The following GALNT17 variants were observed in gnomAD, a reference collection of about 807,000 sequenced individuals.
GALNT17 encodes polypeptide N-acetylgalactosaminyltransferase 17, also known as UDP-GalNAc:polypeptide N-acetylgalactosaminyltransferase-like 3.
In GALNT17, 29 loss-of-function variants were observed where a neutral mutation model predicts 63.7. That is an observed-to-expected ratio of 0.46 (90% CI 0.34 to 0.62). GALNT17 has a LOEUF of 0.62. GALNT17 is among the 20% of genes least tolerant of loss of function. The pLI, the probability that GALNT17 is intolerant of heterozygous loss-of-function variation, is 0.01. For missense variants in GALNT17, 603 were observed against 799.6 expected, an observed-to-expected ratio of 0.75 and a Z score of 2.97; for synonymous variants, 305 against 318.3, an observed-to-expected ratio of 0.96 and a Z score of 0.45.
At chr7:71,225,545 G>A (rs775559200) in intron 1 of GALNT17, among the ~76,000 whole-genome samples, 14 of 152,200 alleles carry the variant, frequency 9.2e-5, no homozygotes, top group Non-Finnish European at 1.6e-4. Context: ...TGAATAAATT[G>A]AGCTGCATGT....
At chr7:71,573,854 G>A (rs1789491887) in intron 6 of GALNT17, among the ~76,000 whole-genome samples, 1 of 152,108 alleles carries the variant, frequency 6.6e-6, no homozygotes, top group Non-Finnish European at 1.5e-5. Context: ...GTAGGCCCCA[G>A]TGTCTGTGGT....
intron 1 of GALNT17, among the ~76,000 whole-genome samples, chr7:71,159,042 T>C (rs1788291172): frequency 6.6e-6 from 1 of 151,846 alleles, no homozygotes; most frequent in African/African-American, 2.4e-5. Flanking sequence ...ATTGATCTCA[T>C]GCTTTTACAA....
chr7:71,285,495 T>G (rs1790856953), intron 1 of GALNT17, among the ~76,000 whole-genome samples: 1 of 152,188 alleles, frequency 6.6e-6, no homozygotes, highest in South Asian at 2.1e-4. Flanking sequence ...TGTGGTCACT[T>G]GTATTAAATG....
intron 1 of GALNT17, among the ~76,000 whole-genome samples, chr7:71,334,185 T>C (rs1791857146): frequency 6.6e-6 from 1 of 152,198 alleles, no homozygotes; most frequent in Non-Finnish European, 1.5e-5. Flanking sequence ...CTTTTGATCT[T>C]GGTATTACAG....
intron 9 of GALNT17, among the ~76,000 whole-genome samples, chr7:71,687,181 TCAA>T: frequency 6.6e-6 from 1 of 152,342 alleles, no homozygotes; most frequent in South Asian, 2.1e-4. Context: ...TCCGAGAGAC[TCAA>T]CGTTTCTTCT....
chr7:71,575,549 C>T (rs1234767024), intron 6 of GALNT17, among the ~76,000 whole-genome samples: 1 of 151,994 alleles, frequency 6.6e-6, no homozygotes. Flanking sequence ...CCACCTCACC[C>T]GGCTAAGTTT....
rs200041938 is a variant in GALNT17, at chr7:71,371,408, TCTAC to T, written c.423-16824_423-16821del. ...GAATGTCTTTTATTACTCATGAAGT[TCTAC>T]CTGTTTTTATAAGTTTGTTAGCCAT... On this transcript the variant is annotated intron_variant, in intron 2 of 10. Coordinates refer to ENST00000333538, the MANE Select transcript of GALNT17 (RefSeq NM_022479.3). 2.9e-4 allele frequency among the ~76,000 whole-genome samples: 44 copies of T among 152,362 alleles called. No individual in the cohort carries two copies. The East Asian group carries it at 8.3e-3, about 29-fold the overall frequency.
At chr7:71,159,856 A>G (rs1161308458) in intron 1 of GALNT17, among the ~76,000 whole-genome samples, 2 of 151,328 alleles carry the variant, frequency 1.3e-5, no homozygotes, top group Non-Finnish European at 2.9e-5. Flanking sequence ...ATCTTGGCTC[A>G]CTGCAACCTC....
chr7:71,265,372 G>A (rs1463373288), intron 1 of GALNT17, among the ~76,000 whole-genome samples: 2 of 151,420 alleles, frequency 1.3e-5, no homozygotes, highest in South Asian at 2.1e-4. Context: ...TGATCTGCCC[G>A]CCTTGGCCTC....
At chr7:71,228,059 C>T (rs1439527589) in intron 1 of GALNT17, among the ~76,000 whole-genome samples, 1 of 152,066 alleles carries the variant, frequency 6.6e-6, no homozygotes, top group Non-Finnish European at 1.5e-5. Flanking sequence ...TGATCCAGGG[C>T]TCATCTTCAG....
intron 5 of GALNT17, among the ~76,000 whole-genome samples, chr7:71,489,334 T>C (rs528473058): frequency 1.3e-4 from 20 of 152,068 alleles, no homozygotes; most frequent in Non-Finnish European, 2.8e-4. Context: ...CCAGCTCTTA[T>C]AGGGGAGGAC....
intron 6 of GALNT17, among the ~76,000 whole-genome samples, chr7:71,655,544 G>A (rs1203959739): frequency 3.3e-5 from 5 of 152,178 alleles, no homozygotes; most frequent in African/African-American, 1.2e-4. Context: ...ATCTTGAGAT[G>A]CCAGAGCTGA....
chr7:71,190,559 T>C (rs1179840157), intron 1 of GALNT17, among the ~76,000 whole-genome samples: 1 of 152,134 alleles, frequency 6.6e-6, no homozygotes, highest in Non-Finnish European at 1.5e-5. Context: ...CTTTTCTTCA[T>C]AAATTACCCA....
intron 3 of GALNT17, among the ~76,000 whole-genome samples, chr7:71,401,145 G>T (rs1253909338): frequency 1.3e-5 from 2 of 149,184 alleles, no homozygotes; most frequent in Non-Finnish European, 3.0e-5. Context: ...GCCTTAGCTG[G>T]AGTGCAGTGG....
intron 6 of GALNT17, among the ~76,000 whole-genome samples, chr7:71,612,274 C>T (rs775715676): frequency 4.6e-5 from 7 of 152,192 alleles, no homozygotes; most frequent in Non-Finnish European, 8.8e-5. Context: ...TTTGGATTTT[C>T]ATCCCACATT....
intron 2 of GALNT17, among the ~76,000 whole-genome samples, chr7:71,371,685 C>T (rs1416442249): frequency 6.6e-6 from 1 of 152,110 alleles, no homozygotes; most frequent in Non-Finnish European, 1.5e-5. Flanking sequence ...TGAATATTCA[C>T]TTATATCTTG....
At chr7:71,627,511 G>C (rs1230940572) in intron 6 of GALNT17, among the ~76,000 whole-genome samples, 1 of 152,190 alleles carries the variant, frequency 6.6e-6, no homozygotes, top group East Asian at 1.9e-4. Context: ...ATGGCGGGCA[G>C]TGGGCAGTCA....
chr7:71,423,762 T>TA (rs895085397), intron 5 of GALNT17, among the ~76,000 whole-genome samples: 35 of 146,792 alleles, frequency 2.4e-4, no homozygotes, highest in Non-Finnish European at 3.3e-4. Flanking sequence ...GAAATAAAAT[T>TA]AAAAAAAAAA....
chr7:71,259,649 T>TTTTG (rs1554345432), intron 1 of GALNT17, among the ~76,000 whole-genome samples: 13 of 148,040 alleles, frequency 8.8e-5, no homozygotes, highest in Non-Finnish European at 1.9e-4. Flanking sequence ...TTTTTTTGTT[T>TTTTG]TTTTTTTTTT....
Sources: allele counts gnomAD v4.1 joint callset (sites outside exome capture counted in the v4.1 genomes callset), GRCh38; gene constraint gnomAD v4.1.1; transcripts MANE v1.5; gene names NCBI Gene and HGNC (gene_info 2026-07-23, HGNC 2026-07-21).